Variants in CFAP418 observed in about 807,000 individuals in gnomAD.
CFAP418 encodes cilia and flagella associated protein 418.
CFAP418 carries 27 observed loss-of-function variants against 24.7 expected under a neutral mutation model. The observed-to-expected ratio is 1.09, with a 90% CI of 0.81 to 1.51. CFAP418 has a LOEUF of 1.51. Among genes scored for constraint, CFAP418 ranks in the 40% most tolerant of loss-of-function variants. The pLI is 0.00. For missense variants in CFAP418, 257 were observed against 255.2 expected (o/e 1.01, Z -0.05); for synonymous variants, 74 against 87.3 (o/e 0.85, Z 0.85).
chr8:95,252,019 T>C (rs1174117588), intron 5 of CFAP418, among the ~76,000 whole-genome samples, 169 bp downstream of exon 5: 10 of 152,200 alleles, frequency 6.6e-5, no homozygotes, highest in Admixed American at 3.3e-4. Context: ...ACCATGTATA[T>C]ATATATATGC....
At position 95,247,401 on chromosome 8, in the gene CFAP418, G is replaced by A. The variant is rs1811639148; in HGVS notation, c.*216C>T. On this transcript the variant is annotated 3_prime_UTR_variant, in exon 6 of 6. Transcript: ENST00000286688. ...AAAGAATGTAGATGCCTGTTACTAA[G>A]TGAAACATCCATGTATCAGGAATAA... is the stretch of plus-strand genomic sequence containing the variant. 3.7e-6 allele frequency: 2 copies of A among 544,416 alleles called. No homozygotes were observed. Among genetic ancestry groups the A allele is most frequent in the Admixed American group, 3.5e-5 (1 of 28,370 alleles). The allele number at this position is 544,416 out of a possible 1,614,324, so 33.7% of individuals were successfully genotyped here.
At chr8:95,265,944 C>G (rs895559831) in intron 1 of CFAP418, among the ~76,000 whole-genome samples, 1 of 152,070 alleles carries the variant, frequency 6.6e-6, no homozygotes, top group Non-Finnish European at 1.5e-5. Flanking sequence ...ACATTCTAAT[C>G]TTTTAAAGAT....
intron 1 of CFAP418, among the ~76,000 whole-genome samples, chr8:95,265,995 T>C (rs958064244): frequency 1.3e-5 from 2 of 152,202 alleles, no homozygotes; most frequent in Non-Finnish European, 2.9e-5. Flanking sequence ...TAAGATAAAA[T>C]ATAAACACTT....
At chr8:95,263,976 T>C (rs879607806) in intron 1 of CFAP418, among the ~76,000 whole-genome samples, 1 of 152,194 alleles carries the variant, frequency 6.6e-6, no homozygotes, top group Non-Finnish European at 1.5e-5. Context: ...ACATATGTTC[T>C]ATACTATTAC....
At chr8:95,256,217 G>A (rs1404282169) in intron 4 of CFAP418, among the ~76,000 whole-genome samples, 3 of 152,166 alleles carry the variant, frequency 2.0e-5, no homozygotes, top group Non-Finnish European at 4.4e-5. Flanking sequence ...AAGTAAACCA[G>A]AATGTATTTT....
intron 4 of CFAP418, among the ~76,000 whole-genome samples, chr8:95,252,584 C>A (rs1811725670): frequency 6.6e-6 from 1 of 152,052 alleles, no homozygotes; most frequent in Non-Finnish European, 1.5e-5. Context: ...CCATGGTTTT[C>A]AAATTACGTC....
chr8:95,269,059 T>G lies in CFAP418; in HGVS notation c.131A>C (p.Gln44Pro). ...GGGTHSSDRN[Q>P]AKAKETLRST... ...CCTGAGCGTCTCTTTCGCCTTGGCT[T>G]GGTTCCGGTCGCTACTGTGGGTGCC... is the stretch of plus-strand genomic sequence containing the variant. The change falls in exon 1 of 6, where the codon CAA (glutamine) becomes CCA (proline). Residue 44 changes from glutamine (Q) to proline (P), a missense_variant. Physicochemically the swap from Gln to Pro is moderately conservative, Grantham distance 76. Transcript: ENST00000286688. 6 of 1,614,152 alleles carry G rather than the reference T, an allele frequency of 3.7e-6. No homozygotes were observed. Among genetic ancestry groups the G allele is most frequent in the Non-Finnish European group, 5.1e-6 (6 of 1,179,992 alleles).
chr8:95,265,243 C>T (rs549783496), intron 1 of CFAP418, among the ~76,000 whole-genome samples: 1 of 152,178 alleles, frequency 6.6e-6, no homozygotes, highest in African/African-American at 2.4e-5. Context: ...AAAATGTCTC[C>T]AGACATTGCC....
chr8:95,262,866 A>C (rs1811915715), intron 2 of CFAP418, among the ~76,000 whole-genome samples: 1 of 152,212 alleles, frequency 6.6e-6, no homozygotes, highest in African/African-American at 2.4e-5. Flanking sequence ...ATTAAAAAAA[A>C]GGTATCTGAT....
chr8:95,257,900 A>T (rs908895450), intron 4 of CFAP418, among the ~76,000 whole-genome samples: 2 of 152,100 alleles, frequency 1.3e-5, no homozygotes, highest in African/African-American at 4.8e-5. Context: ...GTCCTTCGGG[A>T]GGTATTTCAG....
At position 95,246,119 on chromosome 8, in the gene CFAP418, G is replaced by T. The variant is rs1033137959; in HGVS notation, c.*1498C>A. On this transcript the variant is annotated 3_prime_UTR_variant, in exon 6 of 6. Coordinates refer to ENST00000286688, the MANE Select transcript of CFAP418 (RefSeq NM_177965.4). ...TTTTCCTGCCTCGGCCTCCCGAGTA[G>T]TTGGGATTACAGGCATGCACCACCG... is the stretch of plus-strand genomic sequence containing the variant. The T allele has an allele frequency of 1.1e-4, 17 of 152,140 alleles. No individual in the cohort carries two copies. Among genetic ancestry groups the T allele is most frequent in the Admixed American group, 1.0e-3 (16 of 15,270 alleles). The allele number at this position is 152,140 out of a possible 1,614,324, so 9.4% of individuals were successfully genotyped here. A position where few individuals can be genotyped will look rare whatever the true frequency, so the allele number is the denominator to read the frequency against.
At chr8:95,260,389 T>G in intron 3 of CFAP418, 79 bp downstream of exon 3, 1 of 1,077,598 alleles carries the variant, frequency 9.3e-7, no homozygotes, top group South Asian at 1.5e-5. Context: ...GCTGTTTAAA[T>G]GGTAACAAAA....
intron 4 of CFAP418, among the ~76,000 whole-genome samples, chr8:95,254,954 A>G (rs1474651993): frequency 6.6e-6 from 1 of 152,152 alleles, no homozygotes; most frequent in Non-Finnish European, 1.5e-5. Flanking sequence ...TCAATCACTG[A>G]ATTCTGTCAA....
chr8:95,254,578 T>A (rs1464798879), intron 4 of CFAP418, among the ~76,000 whole-genome samples: 7 of 152,224 alleles, frequency 4.6e-5, no homozygotes. Flanking sequence ...TTTGTTCTTT[T>A]GTCCAGCTAA....
chr8:95,268,096 A>G (rs923333435), intron 1 of CFAP418, among the ~76,000 whole-genome samples: 10 of 152,200 alleles, frequency 6.6e-5, no homozygotes, highest in Non-Finnish European at 8.8e-5. Context: ...AATGTTCACA[A>G]TAATTAACCC....
At chr8:95,256,340 C>T (rs545341996) in intron 4 of CFAP418, among the ~76,000 whole-genome samples, 16 of 152,290 alleles carry the variant, frequency 1.1e-4, no homozygotes, top group Non-Finnish European at 1.9e-4. Flanking sequence ...TATAACGTAA[C>T]AAGAAAGCAG....
At chr8:95,259,796 G>A (rs775499544) in intron 4 of CFAP418, 44 bp downstream of exon 4, 3 of 1,469,058 alleles carry the variant, frequency 2.0e-6, no homozygotes, top group Non-Finnish European at 2.8e-6. Context: ...CATCCATTTG[G>A]AAAAAACCTA....
At chr8:95,266,074 T>C (rs1024686132) in intron 1 of CFAP418, among the ~76,000 whole-genome samples, 1 of 152,226 alleles carries the variant, frequency 6.6e-6, no homozygotes, top group Non-Finnish European at 1.5e-5. Flanking sequence ...GTCCTTGTGA[T>C]TTAGCAATAT....
At chr8:95,249,751 A>G (rs573649749) in intron 5 of CFAP418, among the ~76,000 whole-genome samples, 8 of 152,224 alleles carry the variant, frequency 5.3e-5, no homozygotes, top group African/African-American at 1.7e-4. Context: ...ACAGCATTCC[A>G]CTGTGTAACA....
Sources: gnomAD v4.1 joint callset for allele counts (sites outside exome capture counted in the v4.1 genomes callset) on GRCh38, gnomAD v4.1.1 for gene constraint, MANE v1.5 for transcripts, NCBI Gene and HGNC (gene_info 2026-07-23, HGNC 2026-07-21) for gene names.